Variants in C1orf52 observed in about 807,000 individuals in gnomAD.
C1orf52 encodes UPF0690 protein C1orf52.
In C1orf52, 5 loss-of-function variants were observed where a neutral mutation model predicts 17.2. The observed-to-expected ratio is 0.29, with a 90% confidence interval of 0.15 to 0.61. C1orf52 has a LOEUF of 0.61. Ranked by LOEUF, C1orf52 falls within the 20% of genes least tolerant of loss-of-function variation. The probability of loss-of-function intolerance (pLI) is 0.85; values close to 1 mark genes in which losing one functional copy is unlikely to be tolerated. For missense variants in C1orf52, 245 were observed against 234.1 expected, an observed-to-expected ratio of 1.05 and a Z score of -0.30; for synonymous variants, 110 against 88.0, an observed-to-expected ratio of 1.25 and a Z score of -1.40.
chr1:85,257,497 T>C (rs1659971767), intron 2 of C1orf52: 1 of 716,894 alleles, frequency 1.4e-6, no homozygotes, highest in Non-Finnish European at 2.6e-6. Flanking sequence ...TAAAAATGAC[T>C]GTGGACAGGG....
intron 1 of C1orf52, chr1:85,259,076 G>GC: frequency 7.4e-7 from 1 of 1,345,478 alleles, no homozygotes; most frequent in Non-Finnish European, 9.6e-7. Flanking sequence ...AGCGGGGGGG[G>GC]CGGGGGAGTC....
At chr1:85,259,265 TG>T in intron 1 of C1orf52, 92 bp downstream of exon 1, 2 of 1,249,262 alleles carry the variant, frequency 1.6e-6, no homozygotes, top group Non-Finnish European at 1.1e-6. Flanking sequence ...TGACTGCGTG[TG>T]GGGGGATGGA....
At position 85,250,786 on chromosome 1, in the gene C1orf52, A is replaced by ATAAC. The variant is rs2100729440; in HGVS notation, c.*1839_*1842dup. The ATAAC allele has an allele frequency of 6.6e-6, 1 of 152,338 alleles. No homozygotes were observed. Among genetic ancestry groups the ATAAC allele is most frequent in the East Asian group, 1.9e-4 (1 of 5,192 alleles). The allele number at this position is 152,338 out of a possible 1,614,324, so 9.4% of individuals were successfully genotyped here. On this transcript the variant is annotated 3_prime_UTR_variant, in exon 3 of 3. Coordinates refer to ENST00000471115, the MANE Select transcript of C1orf52 (RefSeq NM_198077.4). ...GCTTGGGAATCACAACTTCACAAAT[A>ATAAC]TAACTTGATTTGGTTGTGTTTGGTG...
intron 2 of C1orf52, 48 bp downstream of exon 2, chr1:85,258,476 C>T: frequency 6.8e-7 from 1 of 1,460,056 alleles, no homozygotes; most frequent in Non-Finnish European, 9.4e-7. Context: ...TTTTTAAGCC[C>T]ATCACGGGGA....
chr1:85,257,887 C>A (rs892141515), intron 2 of C1orf52, among the ~76,000 whole-genome samples: 2 of 152,062 alleles, frequency 1.3e-5, no homozygotes, highest in Admixed American at 6.6e-5. Flanking sequence ...AGGTGGATCA[C>A]CTGAGGTCAG....
intron 2 of C1orf52, among the ~76,000 whole-genome samples, chr1:85,253,370 C>G (rs1460342466): frequency 1.3e-5 from 2 of 152,096 alleles, no homozygotes; most frequent in African/African-American, 4.8e-5. Flanking sequence ...TGCTTTCTCT[C>G]CTCCAAAAAC....
chr1:85,258,876 C>T, intron 1 of C1orf52, 154 bp from the exon 2 acceptor site: 1 of 1,426,176 alleles, frequency 7.0e-7, no homozygotes, highest in South Asian at 1.5e-5. Flanking sequence ...AATCACAATA[C>T]TGTTAAGTGA....
intron 1 of C1orf52, chr1:85,258,981 T>C (rs1016355312): frequency 2.2e-6 from 3 of 1,349,234 alleles, no homozygotes; most frequent in Non-Finnish European, 1.9e-6. Flanking sequence ...GCTGACCCCT[T>C]CAGGAGGCTG....
Position 85,258,706 on chromosome 1 carries a change from T to C in C1orf52, c.293A>G (p.Lys98Arg). 6.2e-7 allele frequency: 1 copy of C among 1,609,324 alleles called. No individual in the cohort carries two copies. Among genetic ancestry groups the C allele is most frequent in the South Asian group, 1.1e-5 (1 of 90,988 alleles). Residue 98 changes from lysine to arginine, a missense_variant, in exon 2 of 3, where the codon AAA (lysine) becomes AGA (arginine). By Grantham distance (26) the Lys-to-Arg change is conservative. Coordinates refer to ENST00000471115, the MANE Select transcript of C1orf52 (RefSeq NM_198077.4). ...KAPEEPPKEF[K>R]IWKSNYVPPP... ...TGGTACATAATTTGACTTCCATATT[T>C]TGAATTCCTTTGGAGGCTGTTAAGC...
intron 2 of C1orf52, among the ~76,000 whole-genome samples, chr1:85,254,157 TAACA>T (rs145408218): frequency 0.025 from 3,734 of 152,292 alleles, 64 homozygotes; most frequent in South Asian, 0.037. Context: ...TTGATGCAGA[TAACA>T]ATCAATACCA....
chr1:85,252,547 T>A lies in C1orf52; in HGVS notation c.*82A>T. ...TATGCATTTTCATGGAGATGTGGCA[T>A]AATAACCCACAATATCAACTTAATC... On this transcript the variant is annotated 3_prime_UTR_variant, in exon 3 of 3. Transcript: ENST00000471115. The A allele has an allele frequency of 8.6e-7, 1 of 1,167,498 alleles. No individual in the cohort carries two copies. 72.3% of individuals were successfully genotyped at this position (1,167,498 alleles called of 1,614,324 possible).
chr1:85,256,096 A>G (rs1414827567), intron 2 of C1orf52, among the ~76,000 whole-genome samples: 1 of 152,238 alleles, frequency 6.6e-6, no homozygotes, highest in African/African-American at 2.4e-5. Flanking sequence ...TAGTATCTTT[A>G]CTGCCATTCG....
chr1:85,253,852 T>TA (rs1659860503), intron 2 of C1orf52, among the ~76,000 whole-genome samples: 1 of 152,212 alleles, frequency 6.6e-6, no homozygotes, highest in African/African-American at 2.4e-5. Flanking sequence ...GAACTCCATA[T>TA]AGACAGAGTA....
In C1orf52 at chr1:85,250,907, A is replaced by C. The variant is rs1659786824; in HGVS notation, c.*1722T>G. On this transcript the variant is annotated 3_prime_UTR_variant, in exon 3 of 3. Transcript: ENST00000471115. ...AATTCATTACAAAGACTACAATCTTAAAAAAACATATTCTTGCTTTAGCAA... is the reference window on the plus strand; with the variant it reads ...AATTCATTACAAAGACTACAATCTTCAAAAAACATATTCTTGCTTTAGCAA... 1 of 152,364 alleles carries C rather than the reference A, an allele frequency of 6.6e-6. No homozygotes were observed. The highest frequency in any genetic ancestry group is 3.4e-3 in the Middle Eastern group (1 of 294). The allele number at this position is 152,364 out of a possible 1,614,324, so 9.4% of individuals were successfully genotyped here. A position where few individuals can be genotyped will look rare whatever the true frequency, so the allele number is the denominator to read the frequency against.
chr1:85,259,174 C>T (rs1396907729), intron 1 of C1orf52, 184 bp downstream of exon 1: 6 of 1,130,488 alleles, frequency 5.3e-6, no homozygotes, highest in Admixed American at 2.9e-5. Flanking sequence ...CGGGTCCGGT[C>T]TAACACCCAC....
In C1orf52 at chr1:85,259,588, C is replaced by G. The variant is rs1223021361; in HGVS notation, c.46G>C (p.Gly16Arg). 1.3e-6 allele frequency: 2 copies of G among 1,595,764 alleles called. No individual in the cohort carries two copies. Among genetic ancestry groups the G allele is most frequent in the African/African-American group, 1.3e-5 (1 of 74,538 alleles). The change falls in exon 1 of 3, where the codon GGG becomes CGG. Residue 16 changes from glycine to arginine, a missense_variant. Coordinates refer to ENST00000471115, the MANE Select transcript of C1orf52 (RefSeq NM_198077.4). ...KDPLSYFAAY[G>R]SSSSGSSDEE... is the part of the protein sequence containing the mutation. ...TCCGAGGAGCCTGAGCTGCTGCTCC[C>G]GTATGCCGCAAAATAGCTCAGAGGG...
chr1:85,258,010 C>T (rs753362155), intron 2 of C1orf52, among the ~76,000 whole-genome samples: 1 of 151,844 alleles, frequency 6.6e-6, no homozygotes, highest in African/African-American at 2.4e-5. Context: ...ATCCCAGCTA[C>T]TTGGAGGCTG....
intron 2 of C1orf52, among the ~76,000 whole-genome samples, chr1:85,258,063 T>A (rs1659990448): frequency 6.7e-6 from 1 of 149,992 alleles, no homozygotes; most frequent in South Asian, 2.1e-4. Context: ...AGGTTCGCAG[T>A]GAGCTGAGAT....
At chr1:85,253,095 G>A (rs1439650336) in intron 2 of C1orf52, among the ~76,000 whole-genome samples, 4 of 152,094 alleles carry the variant, frequency 2.6e-5, no homozygotes, top group Non-Finnish European at 4.4e-5. Flanking sequence ...TGAAGCCATG[G>A]TTTTTAGTTT....
Sources: gnomAD v4.1 joint callset for allele counts (sites outside exome capture counted in the v4.1 genomes callset) on GRCh38, gnomAD v4.1.1 for gene constraint, MANE v1.5 for transcripts, NCBI Gene and HGNC (gene_info 2026-07-23, HGNC 2026-07-21) for gene names.